UNC80: variants seen among roughly 807,000 people sequenced by gnomAD.
UNC80 encodes the protein protein unc-80 homolog.
A neutral mutation model predicts 384.6 loss-of-function variants in UNC80; 164 were observed. The ratio of observed to expected loss-of-function variants is 0.43; its 90% CI spans 0.38 to 0.49. UNC80 has a LOEUF of 0.49. Ranked by LOEUF, UNC80 falls within the 20% of genes least tolerant of loss-of-function variation. The probability of loss-of-function intolerance (pLI) is 0.00; values close to 1 mark genes in which losing one functional copy is unlikely to be tolerated. For missense variants in UNC80, 3,330 were observed against 4,143.0 expected, an observed-to-expected ratio of 0.80 and a Z score of 5.39; for synonymous variants, 1,486 against 1,527.8, an observed-to-expected ratio of 0.97 and a Z score of 0.64.
intron 52 of UNC80, chr2:209,969,491 C>G (rs1483124851): frequency 9.1e-6 from 4 of 438,494 alleles, no homozygotes; most frequent in Non-Finnish European, 1.6e-5. Flanking sequence ...TTAGGACCCT[C>G]TGTCAAAGCT....
intron 21 of UNC80, among the ~76,000 whole-genome samples, chr2:209,843,854 A>G (rs764420375): frequency 3.3e-5 from 5 of 152,300 alleles, no homozygotes; most frequent in African/African-American, 7.2e-5. Context: ...CCATATCACT[A>G]CAGAAACATC....
chr2:209,901,821 C>G (rs968371688), intron 28 of UNC80, among the ~76,000 whole-genome samples: 1 of 151,726 alleles, frequency 6.6e-6, no homozygotes, highest in Non-Finnish European at 1.5e-5. Context: ...CCCAGATACT[C>G]GAGAGGCCGA....
At chr2:209,918,462 C>A (rs1018989551) in intron 32 of UNC80, 70 bp from the exon 33 acceptor site, 36 of 1,465,756 alleles carry the variant, frequency 2.5e-5, no homozygotes, top group Non-Finnish European at 3.0e-5. Flanking sequence ...CAGATTGTGT[C>A]ATCATTATAC....
intron 53 of UNC80, chr2:209,970,140 T>G (rs912276367): frequency 3.1e-5 from 14 of 450,074 alleles, no homozygotes; most frequent in African/African-American, 2.8e-4. Flanking sequence ...AATTCACCTC[T>G]TCAAGTTGCG....
intron 28 of UNC80, among the ~76,000 whole-genome samples, chr2:209,903,494 ATT>A (rs2087715861): frequency 8.9e-6 from 1 of 111,758 alleles, no homozygotes; most frequent in Non-Finnish European, 1.7e-5. Context: ...TAATATATAT[ATT>A]ATATATAGTA....
intron 47 of UNC80, among the ~76,000 whole-genome samples, chr2:209,950,871 T>A (rs569125843): frequency 5.1e-4 from 78 of 152,066 alleles, no homozygotes; most frequent in Non-Finnish European, 7.9e-4. Flanking sequence ...TTTTTTTTTT[T>A]AATTTAAAGA....
intron 22 of UNC80, among the ~76,000 whole-genome samples, chr2:209,864,775 G>T (rs2083592816): frequency 1.3e-5 from 2 of 152,212 alleles, no homozygotes; most frequent in Non-Finnish European, 2.9e-5. Flanking sequence ...CCTGCCCAGG[G>T]AGCTTAGCAT....
chr2:209,955,732 TATATATACACAC>T (rs1439948507), intron 48 of UNC80, among the ~76,000 whole-genome samples: 1 of 63,812 alleles, frequency 1.6e-5, no homozygotes. Flanking sequence ...TATATATATA[TATATATACACAC>T]ACACACACAC....
intron 23 of UNC80, among the ~76,000 whole-genome samples, chr2:209,874,633 T>C (rs1433921947): frequency 6.6e-6 from 1 of 152,236 alleles, no homozygotes; most frequent in Non-Finnish European, 1.5e-5. Context: ...CCTGGTCCTC[T>C]GTCTCCTCCC....
intron 35 of UNC80, among the ~76,000 whole-genome samples, chr2:209,923,939 C>T (rs1448551818): frequency 2.6e-5 from 4 of 151,764 alleles, no homozygotes; most frequent in Non-Finnish European, 5.9e-5. Context: ...ATGTGCCTGC[C>T]GTTTTAAAAT....
At chr2:209,873,208 C>T (rs1003988795) in intron 23 of UNC80, among the ~76,000 whole-genome samples, 1 of 152,114 alleles carries the variant, frequency 6.6e-6, no homozygotes, top group Non-Finnish European at 1.5e-5. Flanking sequence ...ACAGGTCAAG[C>T]GACCTACCAA....
chr2:209,984,742 TAAATCTA>T, intron 60 of UNC80, 107 bp from the exon 61 acceptor site: 1 of 978,858 alleles, frequency 1.0e-6, no homozygotes. Flanking sequence ...CTTGTTCGGT[TAAATCTA>T]TTTATTTTTG....
At chr2:209,927,524 A>G (rs1307588607) in intron 36 of UNC80, among the ~76,000 whole-genome samples, 2 of 152,366 alleles carry the variant, frequency 1.3e-5, no homozygotes, top group East Asian at 3.9e-4. Context: ...AAAGGATATC[A>G]GCAGGCAATC....
At chr2:209,810,865 G>A (rs2079296439) in intron 7 of UNC80, among the ~76,000 whole-genome samples, 1 of 152,022 alleles carries the variant, frequency 6.6e-6, no homozygotes, top group Non-Finnish European at 1.5e-5. Context: ...AAAGCCTTGA[G>A]GACCTAAAAT....
At chr2:209,964,061 C>G (rs1338880635) in intron 51 of UNC80, among the ~76,000 whole-genome samples, 1 of 152,192 alleles carries the variant, frequency 6.6e-6, no homozygotes, top group Non-Finnish European at 1.5e-5. Flanking sequence ...ATTCCTAAAC[C>G]AGGATGCCTA....
intron 38 of UNC80, among the ~76,000 whole-genome samples, chr2:209,932,228 G>A (rs2090934075): frequency 1.3e-5 from 2 of 152,200 alleles, no homozygotes; most frequent in South Asian, 4.1e-4. Flanking sequence ...GTCCCATAGG[G>A]CTCTAACATA....
intron 50 of UNC80, 85 bp downstream of exon 50, chr2:209,959,239 T>A: frequency 1.4e-6 from 2 of 1,431,334 alleles, no homozygotes; most frequent in Non-Finnish European, 1.9e-6. Context: ...CTCTATTAGA[T>A]TTCATTTGAT....
At chr2:209,783,808 G>A (rs2077277661) in intron 4 of UNC80, among the ~76,000 whole-genome samples, 1 of 152,086 alleles carries the variant, frequency 6.6e-6, no homozygotes, top group African/African-American at 2.4e-5. Context: ...GTCAATTGAG[G>A]TTTGGCTTCC....
In UNC80 at chr2:209,922,390, C is replaced by G. The variant is rs1203852074; in HGVS notation, c.5662+7C>G. 9.7e-6 allele frequency: 15 copies of G among 1,550,820 alleles called. No individual in the cohort carries two copies. The South Asian group carries it at 1.7e-4, about 17-fold the overall frequency. ...TCAGCCGTCAGTGCTGAAGGTGTGT[C>G]CTCTTGCATACGTTTTATTTCTCCT... On this transcript the variant is annotated splice_region_variant and intron_variant, in intron 35 of 64. Transcript: ENST00000673920.
Sources: gnomAD v4.1 joint callset for allele counts (sites outside exome capture counted in the v4.1 genomes callset) on GRCh38, gnomAD v4.1.1 for gene constraint, MANE v1.5 for transcripts, NCBI Gene and HGNC (gene_info 2026-07-23, HGNC 2026-07-21) for gene names.